Variants in SLC9A2 observed in about 807,000 individuals in gnomAD.
SLC9A2 encodes solute carrier family 9 member A2, also known as sodium/hydrogen exchanger 2.
In SLC9A2, 42 loss-of-function variants were observed where a neutral mutation model predicts 71.7. The ratio of observed to expected loss-of-function variants is 0.59; its 90% CI spans 0.46 to 0.76. The LOEUF (loss-of-function observed/expected upper bound fraction) is 0.76. SLC9A2 is among the 30% of genes least tolerant of loss of function. The pLI is 0.00. For missense variants in SLC9A2, 829 were observed against 1,017.4 expected, an observed-to-expected ratio of 0.81 and a Z score of 2.52; for synonymous variants, 396 against 392.5, an observed-to-expected ratio of 1.01 and a Z score of -0.10.
intron 2 of SLC9A2, among the ~76,000 whole-genome samples, chr2:102,664,273 CAAA>C (rs879751313): frequency 3.1e-5 from 3 of 98,106 alleles, no homozygotes; most frequent in African/African-American, 3.7e-5. Flanking sequence ...GAGTGAGACT[CAAA>C]AAAAAAAAAA....
In SLC9A2 at chr2:102,708,271, C is replaced by A. The variant is rs765345919; in HGVS notation, c.2221C>A (p.Arg741=). ...WKNEVDVDSG[R]DMPSTPPTPH... ...GAATGAGGTAGATGTTGATTCTGGC[C>A]GAGATATGCCCAGCACCCCCCCAAC... Residue 741 remains arginine (R), a synonymous_variant, in exon 12 of 12, where the codon CGA becomes AGA. Transcript: ENST00000233969. The A allele has an allele frequency of 4.3e-6, 7 of 1,614,104 alleles. No individual in the cohort carries two copies. Among genetic ancestry groups the A allele is most frequent in the Non-Finnish European group, 5.9e-6 (7 of 1,180,022 alleles).
At chr2:102,636,134 A>G (rs1183222241) in intron 1 of SLC9A2, among the ~76,000 whole-genome samples, 2 of 152,334 alleles carry the variant, frequency 1.3e-5, no homozygotes, top group Non-Finnish European at 2.9e-5. Flanking sequence ...GAATCTTTAA[A>G]ATACACATCC....
intron 1 of SLC9A2, among the ~76,000 whole-genome samples, chr2:102,648,089 C>T (rs1676761569): frequency 6.6e-6 from 1 of 152,088 alleles, no homozygotes; most frequent in African/African-American, 2.4e-5. Context: ...TGCAAAAATC[C>T]TCAATAAAAT....
intron 1 of SLC9A2, among the ~76,000 whole-genome samples, chr2:102,623,500 G>A (rs1676184097): frequency 6.6e-6 from 1 of 152,104 alleles, no homozygotes; most frequent in Admixed American, 6.6e-5. Context: ...TTTCTGTTTG[G>A]TTTTAAGCAG....
intron 3 of SLC9A2, among the ~76,000 whole-genome samples, chr2:102,673,087 A>T (rs747129728): frequency 7.9e-5 from 12 of 152,134 alleles, no homozygotes; most frequent in Non-Finnish European, 1.6e-4. Flanking sequence ...ATTCTTGAAG[A>T]TTATCAGGAA....
Position 102,708,301 on chromosome 2 carries a change from C to A in SLC9A2, c.2251C>A (p.His751Asn). ...TATGCCCAGCACCCCCCCAACACCC[C>A]ACAGCAGAGAAAAGGGCACCCAGAC... Reference protein sequence around the residue: ...RDMPSTPPTPHSREKGTQTSG... With the variant: ...RDMPSTPPTPNSREKGTQTSG... Residue 751 changes from histidine (H) to asparagine (N), a missense_variant, in exon 12 of 12, where the codon CAC (histidine) becomes AAC (asparagine). His to Asn is a moderately conservative substitution (Grantham distance 68). Around this residue, in one of 3 missense-constraint regions of SLC9A2, gnomAD observed 223 missense variants for 197.5 expected, o/e 1.13. Coordinates refer to ENST00000233969, the MANE Select transcript of SLC9A2 (RefSeq NM_003048.6). 1 of 1,614,162 alleles carries A rather than the reference C, an allele frequency of 6.2e-7. No homozygotes were observed. The highest frequency in any genetic ancestry group is 1.6e-4 in the Middle Eastern group (1 of 6,062).
At position 102,657,823 on chromosome 2, in the gene SLC9A2, C is replaced by T; in HGVS notation, c.549C>T (p.Gly183=). The part of the protein sequence containing the change: ...AVVGTLWNSI[G]IGVSLFGICQ... ...TAGGGACACTTTGGAATTCCATTGG[C>T]ATTGGGGTGTCTTTGTTTGGTATCT... The change falls in exon 2 of 12, where the codon GGC becomes GGT. Residue 183 remains glycine, a synonymous_variant. Coordinates refer to ENST00000233969, the MANE Select transcript of SLC9A2 (RefSeq NM_003048.6). 1.2e-6 allele frequency: 2 copies of T among 1,614,214 alleles called. No individual in the cohort carries two copies. The highest frequency in any genetic ancestry group is 8.5e-7 in the Non-Finnish European group (1 of 1,180,048).
intron 1 of SLC9A2, among the ~76,000 whole-genome samples, chr2:102,627,636 A>G (rs1676274853): frequency 6.6e-6 from 1 of 151,868 alleles, no homozygotes; most frequent in Admixed American, 6.6e-5. Context: ...CACCTTGATC[A>G]GGTATGCAGG....
intron 1 of SLC9A2, among the ~76,000 whole-genome samples, chr2:102,629,403 C>G (rs1044972830): frequency 6.6e-6 from 1 of 151,884 alleles, no homozygotes; most frequent in Non-Finnish European, 1.5e-5. Flanking sequence ...TTTTCTATAT[C>G]TACATTTTCC....
At position 102,657,926 on chromosome 2, in the gene SLC9A2, G is replaced by A. The variant is rs1320324086; in HGVS notation, c.652G>A (p.Asp218Asn). 3.7e-6 allele frequency: 6 copies of A among 1,614,036 alleles called. No individual in the cohort carries two copies. The highest frequency in any genetic ancestry group is 1.7e-5 in the Admixed American group (1 of 60,002). The change falls in exon 2 of 12, where the codon GAT becomes AAT. Residue 218 changes from aspartate (D) to asparagine (N), a missense_variant. Physicochemically the swap from Asp to Asn is conservative, Grantham distance 23 (BLOSUM62 1). Coordinates refer to ENST00000233969, the MANE Select transcript of SLC9A2 (RefSeq NM_003048.6). ...LLFGSLISAV[D>N]PVAVLAVFEN... Reference sequence around the variant, plus strand: ...CTTTGGCAGCTTAATCTCAGCTGTCGATCCTGTGGCTGTGCTTGCTGTCTT... The same window carrying A: ...CTTTGGCAGCTTAATCTCAGCTGTCAATCCTGTGGCTGTGCTTGCTGTCTT...
At chr2:102,652,263 G>A (rs1014632797) in intron 1 of SLC9A2, among the ~76,000 whole-genome samples, 1 of 152,124 alleles carries the variant, frequency 6.6e-6, no homozygotes, top group African/African-American at 2.4e-5. Context: ...CACTCCATGG[G>A]CAGAAGACAG....
chr2:102,695,337 A>G (rs1211863434), intron 7 of SLC9A2, among the ~76,000 whole-genome samples: 2 of 152,182 alleles, frequency 1.3e-5, no homozygotes, highest in African/African-American at 4.8e-5. Context: ...TAGGCAATTT[A>G]GGTTTAACAG....
Position 102,710,678 on chromosome 2 carries a change from TTCC to T in SLC9A2, c.*2192_*2194del, listed in dbSNP as rs1678090607. On this transcript the variant is annotated 3_prime_UTR_variant, in exon 12 of 12. Coordinates refer to ENST00000233969, the MANE Select transcript of SLC9A2 (RefSeq NM_003048.6). ...TTGACTTTAGCTTTTTTTCTATACT[TTCC>T]TCTTTTTGTAATTCTTAAATTCTAG... The T allele has an allele frequency of 2.0e-5, 3 of 152,396 alleles. No individual in the cohort carries two copies. Among genetic ancestry groups the T allele is most frequent in the East Asian group, 1.9e-4 (1 of 5,250 alleles). The allele number at this position is 152,396 out of a possible 1,614,324, so 9.4% of individuals were successfully genotyped here.
chr2:102,652,738 G>A (rs980260126), intron 1 of SLC9A2, among the ~76,000 whole-genome samples: 20 of 152,148 alleles, frequency 1.3e-4, no homozygotes, highest in East Asian at 3.8e-4. Flanking sequence ...GCAGTAGCTC[G>A]TGGACAGCCT....
intron 3 of SLC9A2, among the ~76,000 whole-genome samples, chr2:102,674,582 C>G (rs773306222): frequency 3.3e-5 from 5 of 152,210 alleles, no homozygotes; most frequent in Non-Finnish European, 7.3e-5. Context: ...TGTGTCCTCA[C>G]AGTTAATCCC....
chr2:102,683,211 T>C, intron 3 of SLC9A2, 50 bp from the exon 4 acceptor site: 1 of 1,342,496 alleles, frequency 7.4e-7, no homozygotes, highest in Non-Finnish European at 1.1e-6. Flanking sequence ...TCTTGCATTC[T>C]GATTAAGATC....
chr2:102,691,702 T>C (rs182554499), intron 5 of SLC9A2, among the ~76,000 whole-genome samples: 2 of 152,374 alleles, frequency 1.3e-5, no homozygotes, highest in African/African-American at 2.4e-5. Flanking sequence ...TTTATGATTA[T>C]AAACATAAAT....
intron 3 of SLC9A2, 95 bp downstream of exon 3, chr2:102,665,445 A>C: frequency 7.8e-7 from 1 of 1,278,448 alleles, no homozygotes; most frequent in Non-Finnish European, 1.1e-6. Context: ...GTTATATGAA[A>C]CACTAGGTTT....
chr2:102,638,343 C>T (rs904775801), intron 1 of SLC9A2, among the ~76,000 whole-genome samples: 2 of 152,158 alleles, frequency 1.3e-5, no homozygotes, highest in African/African-American at 4.8e-5. Context: ...GTATTATTCT[C>T]AGAAATTGAT....
Sources: gnomAD v4.1 joint callset for allele counts (sites outside exome capture counted in the v4.1 genomes callset) on GRCh38, gnomAD v4.1.1 for gene constraint, gnomAD v4.1.1 regional missense constraint, MANE v1.5 for transcripts, NCBI Gene and HGNC (gene_info 2026-07-23, HGNC 2026-07-21) for gene names.